CECR2: variants seen among roughly 807,000 people sequenced by gnomAD.
The protein encoded by CECR2 is chromatin remodeling regulator CECR2.
CECR2 carries 30 observed loss-of-function variants against 154.5 expected under a neutral mutation model. That is an observed-to-expected ratio of 0.19 (90% confidence interval 0.15 to 0.26). CECR2 has a LOEUF of 0.26. Ranked by LOEUF, CECR2 falls within the 10% of genes least tolerant of loss-of-function variation. The pLI is 1.00. For synonymous variants in CECR2, 725 were observed against 683.7 expected (o/e 1.06, Z -0.94); for missense variants, 1,743 against 1,829.3 (o/e 0.95, Z 0.86).
intron 7 of CECR2, among the ~76,000 whole-genome samples, chr22:17,509,072 A>T (rs2055895491): frequency 6.6e-6 from 1 of 152,150 alleles, no homozygotes; most frequent in African/African-American, 2.4e-5. Flanking sequence ...CCAACATGGC[A>T]AAACCCCATC....
At chr22:17,361,748 A>T (rs932923350) in intron 1 of CECR2, among the ~76,000 whole-genome samples, 5 of 126,162 alleles carry the variant, frequency 4.0e-5, no homozygotes, top group East Asian at 2.0e-4. Flanking sequence ...ATCTCAAATT[A>T]AAAAAAAAAA....
intron 1 of CECR2, among the ~76,000 whole-genome samples, chr22:17,381,378 T>TA (rs753048027): frequency 1.3e-4 from 20 of 152,198 alleles, no homozygotes; most frequent in Non-Finnish European, 2.5e-4. Context: ...ACTTTTTTTT[T>TA]AACACGGAAC....
rs80299882 is a variant in CECR2, at chr22:17,491,972, A to T, written c.222-5431A>T. Among the ~76,000 whole-genome samples the T allele has an allele frequency of 9.9e-3, 1,510 of 152,352 alleles. 19 individuals are homozygous for T. The highest frequency in any genetic ancestry group is 0.035 in the African/African-American group (1,455 of 41,578). On this transcript the variant is annotated intron_variant, in intron 2 of 18. Coordinates refer to ENST00000262608, the MANE Select transcript of CECR2 (RefSeq NM_001290047.2). The stretch of plus-strand genomic sequence containing the variant: ...ATGTGGGATATAGTAGCTATTCTAC[A>T]GCCCTAGAGAAGAAGAACTGTTATT...
chr22:17,508,841 A>T (rs2055891679), intron 7 of CECR2, among the ~76,000 whole-genome samples: 1 of 152,232 alleles, frequency 6.6e-6, no homozygotes, highest in African/African-American at 2.4e-5. Flanking sequence ...AGCGAGAAGT[A>T]AAAGCTGTCT....
intron 9 of CECR2, among the ~76,000 whole-genome samples, chr22:17,529,991 G>A (rs146657871): frequency 3.3e-5 from 5 of 152,196 alleles, no homozygotes; most frequent in East Asian, 3.9e-4. Flanking sequence ...CATTCTAAGC[G>A]GATTTTATTC....
In CECR2 at chr22:17,556,276, C is replaced by T. The variant is rs958125019; in HGVS notation, c.*3436C>T. On this transcript the variant is annotated 3_prime_UTR_variant, in exon 19 of 19. Coordinates refer to ENST00000262608, the MANE Select transcript of CECR2 (RefSeq NM_001290047.2). ...TGCTCTCAGAAGGCCTTCTCATGCTCCTCTTCGTTAGGCTTAGTGAAAACC... is the reference window on the plus strand; with the variant it reads ...TGCTCTCAGAAGGCCTTCTCATGCTTCTCTTCGTTAGGCTTAGTGAAAACC... 3 of 152,206 alleles carry T rather than the reference C, an allele frequency of 2.0e-5. No homozygotes were observed. The highest frequency in any genetic ancestry group is 2.9e-5 in the Non-Finnish European group (2 of 68,060). 9.4% of individuals were successfully genotyped at this position (152,206 alleles called of 1,614,324 possible). A position where few individuals can be genotyped will look rare whatever the true frequency, so the allele number is the denominator to read the frequency against.
chr22:17,554,003 T>C lies in CECR2; in HGVS notation c.*1163T>C, dbSNP rs1325295073. 6.6e-6 allele frequency: 1 copy of C among 152,246 alleles called. No homozygotes were observed. Among genetic ancestry groups the C allele is most frequent in the African/African-American group, 2.4e-5 (1 of 41,466 alleles). The allele number at this position is 152,246 out of a possible 1,614,324, so 9.4% of individuals were successfully genotyped here. On this transcript the variant is annotated 3_prime_UTR_variant, in exon 19 of 19. Coordinates refer to ENST00000262608, the MANE Select transcript of CECR2 (RefSeq NM_001290047.2). ...AGGAATATTTCAGTATATATAGTTT[T>C]TATTCGTTTTAAGTGAATCATAGTA...
upstream of CECR2, among the ~76,000 whole-genome samples, chr22:17,368,996 T>C (rs1188709209): frequency 6.6e-6 from 1 of 152,120 alleles, no homozygotes; most frequent in African/African-American, 2.4e-5. Flanking sequence ...ACTTCACTTC[T>C]CTAGGCTTCA....
chr22:17,548,293 C>T lies in CECR2; in HGVS notation c.3006C>T (p.Gly1002=), dbSNP rs1355684991. The change falls in exon 17 of 19, where the codon GGC becomes GGT. Residue 1002 remains glycine, a synonymous_variant. Coordinates refer to ENST00000262608, the MANE Select transcript of CECR2 (RefSeq NM_001290047.2). Reference sequence around the variant, plus strand: ...CACCACAAGAAAGGGAAACAGTGGGCCCGGAGCTCAAAAGCAGCTCCTCCG... The same window carrying T: ...CACCACAAGAAAGGGAAACAGTGGGTCCGGAGCTCAAAAGCAGCTCCTCCG... ...QSSPQERETV[G]PELKSSSSES... 1 of 1,608,734 alleles carries T rather than the reference C, an allele frequency of 6.2e-7. No homozygotes were observed. The highest frequency in any genetic ancestry group is 8.5e-7 in the Non-Finnish European group (1 of 1,177,562).
At chr22:17,447,302 G>T (rs1412790100) in intron 1 of CECR2, among the ~76,000 whole-genome samples, 1 of 151,958 alleles carries the variant, frequency 6.6e-6, no homozygotes, top group African/African-American at 2.4e-5. Flanking sequence ...ACAGGCACCT[G>T]CCACCACGCC....
At chr22:17,438,265 A>G (rs977200515) in intron 1 of CECR2, among the ~76,000 whole-genome samples, 1 of 152,232 alleles carries the variant, frequency 6.6e-6, no homozygotes, top group Non-Finnish European at 1.5e-5. Flanking sequence ...TCTTGTGTTT[A>G]TTGTAGACAA....
chr22:17,558,091 C>A lies in CECR2; in HGVS notation c.*5251C>A, dbSNP rs1356982729. 2 of 152,152 alleles carry A rather than the reference C, an allele frequency of 1.3e-5. No homozygotes were observed. The highest frequency in any genetic ancestry group is 4.8e-5 in the African/African-American group (2 of 41,428). 9.4% of individuals were successfully genotyped at this position (152,152 alleles called of 1,614,324 possible). On this transcript the variant is annotated 3_prime_UTR_variant, in exon 19 of 19. Coordinates refer to ENST00000262608, the MANE Select transcript of CECR2 (RefSeq NM_001290047.2). Reference sequence around the variant, plus strand: ...AAAAAGCTTTTTGATCCTTGGAGGTCTGTAGATTTATTTCCATATGAACTG... The same window carrying A: ...AAAAAGCTTTTTGATCCTTGGAGGTATGTAGATTTATTTCCATATGAACTG...
chr22:17,402,783 G>A (rs1441353380), intron 1 of CECR2, among the ~76,000 whole-genome samples: 2 of 105,456 alleles, frequency 1.9e-5, no homozygotes, highest in African/African-American at 3.7e-5. Flanking sequence ...TGGAGACGTA[G>A]TTTCACTCTT....
intron 17 of CECR2, among the ~76,000 whole-genome samples, chr22:17,551,829 T>C (rs2056712306): frequency 1.3e-5 from 2 of 152,000 alleles, no homozygotes; most frequent in Admixed American, 1.3e-4. Flanking sequence ...TAAACACTTT[T>C]GTCAGGAGTG....
At chr22:17,538,480 G>T (rs767401217) in intron 10 of CECR2, 40 bp from the exon 11 acceptor site, 1 of 1,576,744 alleles carries the variant, frequency 6.3e-7, no homozygotes, top group Non-Finnish European at 8.7e-7. Context: ...GAGAGAAGGT[G>T]GTCAGAGTTA....
At chr22:17,388,894 G>C (rs2063296432) in intron 1 of CECR2, among the ~76,000 whole-genome samples, 1 of 151,866 alleles carries the variant, frequency 6.6e-6, no homozygotes, top group African/African-American at 2.4e-5. Context: ...GCTCACTGCA[G>C]CCTCAGCCTC....
At chr22:17,441,166 C>G (rs1032433543) in intron 1 of CECR2, among the ~76,000 whole-genome samples, 2 of 152,184 alleles carry the variant, frequency 1.3e-5, no homozygotes, top group Non-Finnish European at 2.9e-5. Flanking sequence ...CCAGGCTGGT[C>G]TCGAACTCCT....
At chr22:17,424,241 G>A (rs1309669135) in intron 1 of CECR2, 1 of 152,122 alleles carries the variant, frequency 6.6e-6, no homozygotes, top group Non-Finnish European at 1.5e-5. Flanking sequence ...CCCGGCCATG[G>A]TTACTTTTTT....
chr22:17,543,636 T>C (rs1267665085), intron 16 of CECR2, among the ~76,000 whole-genome samples: 1 of 151,752 alleles, frequency 6.6e-6, no homozygotes. Flanking sequence ...CTCGGTTGAC[T>C]GCAACTTCTG....
Sources: allele counts gnomAD v4.1 joint callset (sites outside exome capture counted in the v4.1 genomes callset), GRCh38; gene constraint gnomAD v4.1.1; transcripts MANE v1.5; gene names NCBI Gene and HGNC (gene_info 2026-07-23, HGNC 2026-07-21).